Variants in CTTNBP2NL observed in about 807,000 individuals in gnomAD.
CTTNBP2NL encodes CTTNBP2 N-terminal-like protein.
CTTNBP2NL carries 16 observed loss-of-function variants against 32.5 expected under a neutral mutation model. That is an observed-to-expected ratio of 0.49 (90% CI 0.33 to 0.75). The LOEUF is 0.75. CTTNBP2NL is among the 30% of genes least tolerant of loss of function. The pLI, the probability that CTTNBP2NL is intolerant of heterozygous loss-of-function variation, is 0.02. For missense variants in CTTNBP2NL, 645 were observed against 756.0 expected (o/e 0.85, Z 1.72); for synonymous variants, 298 against 289.4 (o/e 1.03, Z -0.30).
chr1:112,437,819 G>A (rs527905726), intron 3 of CTTNBP2NL, among the ~76,000 whole-genome samples: 45 of 152,204 alleles, frequency 3.0e-4, no homozygotes, highest in African/African-American at 9.9e-4. Context: ...CACCATACCC[G>A]GCCGAGTTCC....
At chr1:112,414,824 A>G (rs72983860) in intron 2 of CTTNBP2NL, 7 of 152,342 alleles carry the variant, frequency 4.6e-5, no homozygotes, top group African/African-American at 1.7e-4. Context: ...ACTTTGGAAC[A>G]TGCAGATTCT....
chr1:112,455,263 T>C (rs1046502917), intron 5 of CTTNBP2NL, among the ~76,000 whole-genome samples: 1 of 152,080 alleles, frequency 6.6e-6, no homozygotes, highest in Non-Finnish European at 1.5e-5. Flanking sequence ...CCCAGCACTT[T>C]TGGAGGCCGA....
At chr1:112,408,159 A>G (rs947671999) in intron 1 of CTTNBP2NL, among the ~76,000 whole-genome samples, 6 of 150,776 alleles carry the variant, frequency 4.0e-5, no homozygotes, top group African/African-American at 1.5e-4. Context: ...AGCTTTCTTT[A>G]ACAAATGTAC....
intron 1 of CTTNBP2NL, among the ~76,000 whole-genome samples, chr1:112,408,303 A>G (rs754424626): frequency 7.2e-6 from 1 of 138,268 alleles, no homozygotes; most frequent in Admixed American, 8.0e-5. Context: ...TTGGCCTCCC[A>G]AAGTGCTGAG....
upstream of CTTNBP2NL, among the ~76,000 whole-genome samples, chr1:112,393,007 G>A (rs142158930): frequency 0.015 from 2,318 of 152,094 alleles, 63 homozygotes; most frequent in African/African-American, 0.052. Context: ...ACAGGCACCC[G>A]CCACCATGCC....
At chr1:112,405,410 T>G (rs1648630958) in intron 1 of CTTNBP2NL, among the ~76,000 whole-genome samples, 1 of 152,094 alleles carries the variant, frequency 6.6e-6, no homozygotes, top group Non-Finnish European at 1.5e-5. Context: ...CGATTCTCTT[T>G]CCTCAGCCAC....
chr1:112,453,282 TTTACTCTC>T (rs984276753), intron 4 of CTTNBP2NL, among the ~76,000 whole-genome samples: 39 of 151,830 alleles, frequency 2.6e-4, no homozygotes, highest in Non-Finnish European at 4.4e-5. Context: ...TCCCAGAAAA[TTTACTCTC>T]TTCACTCATA....
At chr1:112,433,155 C>G (rs896590270) in intron 3 of CTTNBP2NL, among the ~76,000 whole-genome samples, 9 of 152,260 alleles carry the variant, frequency 5.9e-5, no homozygotes, top group Admixed American at 3.9e-4. Flanking sequence ...TACTATAGCA[C>G]TTTTCATAAC....
At chr1:112,445,263 GA>G (rs1285546896) in intron 3 of CTTNBP2NL, among the ~76,000 whole-genome samples, 3 of 152,118 alleles carry the variant, frequency 2.0e-5, no homozygotes, top group East Asian at 1.9e-4. Context: ...AAAACTGTGA[GA>G]TTTTTTTTTA....
At chr1:112,430,870 A>G (rs757902837) in intron 3 of CTTNBP2NL, among the ~76,000 whole-genome samples, 1 of 152,194 alleles carries the variant, frequency 6.6e-6, no homozygotes, top group Non-Finnish European at 1.5e-5. Context: ...GGCATGAGCC[A>G]CTGTTCCCGG....
Position 112,448,926 on chromosome 1 carries a change from T to G in CTTNBP2NL, c.100-16T>G, listed in dbSNP as rs1650132654. The G allele has an allele frequency of 4.1e-6, 6 of 1,475,678 alleles. No homozygotes were observed. The highest frequency in any genetic ancestry group is 5.7e-6 in the Non-Finnish European group (6 of 1,056,834). The allele number at this position is 1,475,678 out of a possible 1,614,324, so 91.4% of individuals were successfully genotyped here. A position where few individuals can be genotyped will look rare whatever the true frequency, so the allele number is the denominator to read the frequency against. ...TTTTAAAAAGCAAGATGCTTATTTT[T>G]TTTCCTCTTTCCCAGGCCCAACACA... On this transcript the variant is annotated splice_polypyrimidine_tract_variant and intron_variant, in intron 3 of 5. Coordinates refer to ENST00000271277, the MANE Select transcript of CTTNBP2NL (RefSeq NM_018704.3).
At chr1:112,434,630 C>T (rs1450798305) in intron 3 of CTTNBP2NL, among the ~76,000 whole-genome samples, 3 of 152,150 alleles carry the variant, frequency 2.0e-5, no homozygotes, top group Non-Finnish European at 4.4e-5. Context: ...TCTTGTGACT[C>T]CTTGCTGCCT....
At chr1:112,410,284 C>T (rs1302990638) in intron 1 of CTTNBP2NL, among the ~76,000 whole-genome samples, 4 of 151,868 alleles carry the variant, frequency 2.6e-5, no homozygotes, top group Admixed American at 6.6e-5. Context: ...CTCAGCTACT[C>T]AGAAGGCTGA....
intron 1 of CTTNBP2NL, among the ~76,000 whole-genome samples, chr1:112,404,629 A>G (rs577310053): frequency 9.7e-4 from 148 of 152,334 alleles, no homozygotes; most frequent in Non-Finnish European, 1.7e-3. Flanking sequence ...TTATGGTGGC[A>G]TTATTTCAGA....
intron 3 of CTTNBP2NL, among the ~76,000 whole-genome samples, chr1:112,448,247 G>GCTC (rs1650113296): frequency 6.6e-6 from 1 of 152,190 alleles, no homozygotes; most frequent in African/African-American, 2.4e-5. Flanking sequence ...GCAGCAGGTG[G>GCTC]AAGAGGTTTT....
At position 112,412,608 on chromosome 1, in the gene CTTNBP2NL, C is replaced by CTTT. The variant is rs35667800; in HGVS notation, c.-10+315_-10+317dup. Reference sequence around the variant, plus strand: ...TGTAGACACTAAGCTGAGTTGGTACCTTTTTTTTTTTTTTTTTTTTTTTTT... The same window carrying CTTT: ...TGTAGACACTAAGCTGAGTTGGTACCTTTTTTTTTTTTTTTTTTTTTTTTTTTT... On this transcript the variant is annotated intron_variant, in intron 2 of 5. Coordinates refer to ENST00000271277, the MANE Select transcript of CTTNBP2NL (RefSeq NM_018704.3). Among the ~76,000 whole-genome samples, 149 of 88,920 alleles carry CTTT rather than the reference C, an allele frequency of 1.7e-3. 13 individuals are homozygous for CTTT. The highest frequency in any genetic ancestry group is 6.9e-3 in the East Asian group (15 of 2,180). The allele number at this position is 88,920 out of a possible 152,430, so 58.3% of individuals were successfully genotyped here.
intron 3 of CTTNBP2NL, among the ~76,000 whole-genome samples, chr1:112,437,910 T>G (rs1649784264): frequency 6.6e-6 from 1 of 152,212 alleles, no homozygotes; most frequent in African/African-American, 2.4e-5. Flanking sequence ...CGTTGTCTGT[T>G]TACTCTGTTG....
chr1:112,398,399 T>C (rs907894078), intron 1 of CTTNBP2NL, among the ~76,000 whole-genome samples: 1 of 152,134 alleles, frequency 6.6e-6, no homozygotes, highest in Non-Finnish European at 1.5e-5. Context: ...GGGCAGATAG[T>C]AGTATTTTTT....
intron 1 of CTTNBP2NL, among the ~76,000 whole-genome samples, chr1:112,403,274 A>G (rs1194789544): frequency 6.6e-6 from 1 of 152,096 alleles, no homozygotes; most frequent in African/African-American, 2.4e-5. Context: ...TCCTAAAACT[A>G]TGCTTTTGTT....
Sources: allele counts gnomAD v4.1 joint callset (sites outside exome capture counted in the v4.1 genomes callset), GRCh38; gene constraint gnomAD v4.1.1; transcripts MANE v1.5; gene names NCBI Gene and HGNC (gene_info 2026-07-23, HGNC 2026-07-21).